Variants in VPS53 observed in about 807,000 individuals in gnomAD.
VPS53 encodes the protein VPS53 subunit of GARP complex, also known as vacuolar protein sorting-associated protein 53 homolog.
In VPS53, 70 loss-of-function variants were observed where a neutral mutation model predicts 107.0. That is an observed-to-expected ratio of 0.65 (90% CI 0.54 to 0.80). The LOEUF is 0.80. Ranked by LOEUF, VPS53 falls within the 30% of genes least tolerant of loss-of-function variation. VPS53 has a pLI of 0.00. For missense variants in VPS53, 917 were observed against 1,049.4 expected, an observed-to-expected ratio of 0.87 and a Z score of 1.74; for synonymous variants, 409 against 393.3, an observed-to-expected ratio of 1.04 and a Z score of -0.47.
chr17:664,484 G>C (rs917842011), intron 4 of VPS53, among the ~76,000 whole-genome samples: 4 of 152,148 alleles, frequency 2.6e-5, no homozygotes. Flanking sequence ...AGGTGGTAGT[G>C]CAATATTGCA....
At chr17:570,123 T>A (rs1913898858) in intron 13 of VPS53, among the ~76,000 whole-genome samples, 1 of 151,896 alleles carries the variant, frequency 6.6e-6, no homozygotes, top group Admixed American at 6.6e-5. Flanking sequence ...TCTCAGCACT[T>A]TGGGAGGCCA....
intron 5 of VPS53, among the ~76,000 whole-genome samples, chr17:657,985 C>G (rs1220581242): frequency 2.1e-5 from 3 of 140,746 alleles, no homozygotes; most frequent in Non-Finnish European, 3.1e-5. Context: ...TAGATACATC[C>G]CACTAAAGTG....
chr17:643,000 G>C lies in VPS53; in HGVS notation c.608+10291C>G, dbSNP rs112218574. Among the ~76,000 whole-genome samples the C allele has an allele frequency of 3.6e-5, 4 of 110,568 alleles. No homozygotes were observed. In the South Asian group the frequency reaches 1.4e-3, roughly 39 times the overall value. The allele number at this position is 110,568 out of a possible 152,430, so 72.5% of individuals were successfully genotyped here. On this transcript the variant is annotated intron_variant, in intron 7 of 21. Transcript: ENST00000437048. ...CGAGGACAACACTCATACTTGGAAA[G>C]CGAGGACAACACTCATACTTGGAAA... is the stretch of plus-strand genomic sequence containing the variant.
At chr17:534,229 A>G (rs1909843128) in intron 18 of VPS53, among the ~76,000 whole-genome samples, 1 of 152,120 alleles carries the variant, frequency 6.6e-6, no homozygotes, top group Non-Finnish European at 1.5e-5. Context: ...AACCACTATT[A>G]TGAGATTTGT....
At chr17:536,856 T>C (rs1360814475) in intron 18 of VPS53, 172 bp downstream of exon 18, 2 of 749,150 alleles carry the variant, frequency 2.7e-6, no homozygotes, top group Non-Finnish European at 2.1e-6. Flanking sequence ...ATGTGCCACT[T>C]TGTGTGTGGG....
At chr17:684,506 G>T (rs775725794) in intron 4 of VPS53, among the ~76,000 whole-genome samples, 1 of 151,988 alleles carries the variant, frequency 6.6e-6, no homozygotes, top group Non-Finnish European at 1.5e-5. Context: ...CTATGAGCAA[G>T]ATCTATATAC....
chr17:614,248 G>A lies in VPS53; in HGVS notation c.1116+9285C>T, dbSNP rs560886802. On this transcript the variant is annotated intron_variant, in intron 11 of 21. Transcript: ENST00000437048. ...ACCAACTGAACTGTATACTTTAAAC[G>A]ATAAATTTCATGTGACATTTCGTGA... Among the ~76,000 whole-genome samples the A allele has an allele frequency of 1.2e-4, 18 of 152,220 alleles. 1 individual carries two copies. Among genetic ancestry groups the A allele is most frequent in the African/African-American group, 4.3e-4 (18 of 41,514 alleles).
At position 509,121 on chromosome 17, in the gene VPS53, T is replaced by A. The variant is rs1296549906; in HGVS notation, c.*10007A>T. 1.4e-5 allele frequency: 2 copies of A among 146,214 alleles called. No homozygotes were observed. The highest frequency in any genetic ancestry group is 5.5e-5 in the African/African-American group (2 of 36,154). 9.1% of individuals were successfully genotyped at this position (146,214 alleles called of 1,614,324 possible). ...CACCCCTCACTAGTCACATATCAAA[T>A]CCTGTCTCACCCCTCACCAGTCACA... On this transcript the variant is annotated 3_prime_UTR_variant, in exon 22 of 22. Transcript: ENST00000437048.
Position 508,961 on chromosome 17 carries a change from G to C in VPS53, c.*10167C>G, listed in dbSNP as rs964444154. 4 of 152,096 alleles carry C rather than the reference G, an allele frequency of 2.6e-5. No individual in the cohort carries two copies. Among genetic ancestry groups the C allele is most frequent in the African/African-American group, 9.7e-5 (4 of 41,376 alleles). The allele number at this position is 152,096 out of a possible 1,614,324, so 9.4% of individuals were successfully genotyped here. A position where few individuals can be genotyped will look rare whatever the true frequency, so the allele number is the denominator to read the frequency against. ...AAAATACTTTTATCTATTTTGTATA[G>C]AGGGAATCCAATGTAAAATTTTGTC... On this transcript the variant is annotated 3_prime_UTR_variant, in exon 22 of 22. Coordinates refer to ENST00000437048, the MANE Select transcript of VPS53 (RefSeq NM_001128159.3).
At chr17:548,947 A>AAC (rs1336304565) in intron 17 of VPS53, among the ~76,000 whole-genome samples, 1 of 152,184 alleles carries the variant, frequency 6.6e-6, no homozygotes, top group Non-Finnish European at 1.5e-5. Context: ...CCTGGATATG[A>AAC]ACTCCTCCCT....
At position 542,252 on chromosome 17, in the gene VPS53, G is replaced by GA. The variant is rs1454342525; in HGVS notation, c.1867-5077dup. Among the ~76,000 whole-genome samples, 4 of 152,338 alleles carry GA rather than the reference G, an allele frequency of 2.6e-5. No individual in the cohort carries two copies. In the South Asian group the frequency reaches 6.2e-4, roughly 24 times the overall value. On this transcript the variant is annotated intron_variant, in intron 17 of 21. Coordinates refer to ENST00000437048, the MANE Select transcript of VPS53 (RefSeq NM_001128159.3). Reference sequence around the variant, plus strand: ...TTTGTGAGTAATAATAAATGAGGATGAAACAGGATTGAGGACAGCGAGTGA... The same window carrying GA: ...TTTGTGAGTAATAATAAATGAGGATGAAAACAGGATTGAGGACAGCGAGTGA...
At chr17:631,405 G>T in intron 8 of VPS53, 145 bp downstream of exon 8, 2 of 762,758 alleles carry the variant, frequency 2.6e-6, no homozygotes, top group Middle Eastern at 3.2e-4. Flanking sequence ...ATCCAGGGTG[G>T]TCTCATTACC....
intron 4 of VPS53, among the ~76,000 whole-genome samples, chr17:666,739 G>A (rs991887782): frequency 1.3e-5 from 2 of 151,572 alleles, no homozygotes; most frequent in Non-Finnish European, 2.9e-5. Context: ...CCAACATGGT[G>A]AAACCCCTGT....
At chr17:697,958 G>A (rs773519025) in intron 3 of VPS53, among the ~76,000 whole-genome samples, 6 of 152,102 alleles carry the variant, frequency 3.9e-5, no homozygotes, top group Non-Finnish European at 8.8e-5. Context: ...ACGGCTTCCA[G>A]CTCCTCTGCC....
Position 695,479 on chromosome 17 carries a change from T to C in VPS53, c.285+1939A>G, listed in dbSNP as rs373211930. 2.8e-3 allele frequency among the ~76,000 whole-genome samples: 432 copies of C among 152,106 alleles called. 3 individuals carry two copies. Among genetic ancestry groups the C allele is most frequent in the African/African-American group, 0.01 (416 of 41,516 alleles). ...TGCTCGTAGAGCACAAAGTCTTCAG[T>C]GTAGACAGAACACAAGAGGAGGCAA... On this transcript the variant is annotated intron_variant, in intron 4 of 21. Coordinates refer to ENST00000437048, the MANE Select transcript of VPS53 (RefSeq NM_001128159.3).
At chr17:550,678 AT>A (rs1283487003) in intron 17 of VPS53, among the ~76,000 whole-genome samples, 2 of 152,204 alleles carry the variant, frequency 1.3e-5, no homozygotes, top group Non-Finnish European at 2.9e-5. Flanking sequence ...TGAATCTCCC[AT>A]ATTCAAGACT....
chr17:598,566 G>GC (rs1417636451), intron 12 of VPS53, among the ~76,000 whole-genome samples: 1 of 150,794 alleles, frequency 6.6e-6, no homozygotes, highest in Non-Finnish European at 1.5e-5. Flanking sequence ...GAGCGTCTCT[G>GC]CCCGGCTGCC....
At chr17:558,574 C>A (rs1912655138) in intron 15 of VPS53, among the ~76,000 whole-genome samples, 1 of 152,110 alleles carries the variant, frequency 6.6e-6, no homozygotes, top group Non-Finnish European at 1.5e-5. Context: ...GGGGAGCTTG[C>A]AGTGAGCCGA....
At chr17:588,373 G>T (rs1399414780) in intron 12 of VPS53, among the ~76,000 whole-genome samples, 2 of 152,006 alleles carry the variant, frequency 1.3e-5, no homozygotes, top group Admixed American at 1.3e-4. Context: ...CTACCCTCTT[G>T]AACTGCTTAT....
Sources: gnomAD v4.1 joint callset for allele counts (sites outside exome capture counted in the v4.1 genomes callset) on GRCh38, gnomAD v4.1.1 for gene constraint, MANE v1.5 for transcripts, NCBI Gene and HGNC (gene_info 2026-07-23, HGNC 2026-07-21) for gene names.